ABCB9: variants seen among roughly 807,000 people sequenced by gnomAD.
ABCB9 encodes ABC-type oligopeptide transporter ABCB9.
In ABCB9, 36 loss-of-function variants were observed where a neutral mutation model predicts 62.0. That is an observed-to-expected ratio of 0.58 (90% CI 0.45 to 0.77). The LOEUF is 0.77. ABCB9 is among the 30% of genes least tolerant of loss of function. The pLI, the probability that ABCB9 is intolerant of heterozygous loss-of-function variation, is 0.00. For synonymous variants in ABCB9, 435 were observed against 461.4 expected, an observed-to-expected ratio of 0.94 and a Z score of 0.73; for missense variants, 943 against 1,054.7, an observed-to-expected ratio of 0.89 and a Z score of 1.47.
chr12:122,920,908 T>C, downstream of ABCB9: 1 of 1,032,362 alleles, frequency 9.7e-7, no homozygotes, highest in Non-Finnish European at 1.4e-6. Flanking sequence ...GTGAGACCCC[T>C]GTCTTAAAAA....
rs201970359 is a variant in ABCB9, at chr12:122,959,959, C to T, written c.277G>A (p.Val93Met). The T allele has an allele frequency of 2.0e-4, 315 of 1,613,136 alleles. 1 individual carries two copies. Among genetic ancestry groups the T allele is most frequent in the Non-Finnish European group, 2.6e-4 (310 of 1,179,988 alleles). The change falls in exon 2 of 12, where the codon GTG (valine) becomes ATG (methionine). Residue 93 changes from valine (V) to methionine (M), a missense_variant. Transcript: ENST00000280560. This position sits in a 1 kb window ranked among gnomAD's most constrained non-coding sequence, Gnocchi z 5.4. ...WLVITLVCLFVGIYAMVKLLL... is the reference protein window; with the variant it reads ...WLVITLVCLFMGIYAMVKLLL... The stretch of plus-strand genomic sequence containing the variant: ...AGCTTCACCATGGCATAGATGCCCA[C>T]GAAGAGGCACACGAGGGTGATGACC...
At chr12:122,948,128 G>A (rs2036144148) in intron 5 of ABCB9, 1 of 152,350 alleles carries the variant, frequency 6.6e-6, no homozygotes, top group African/African-American at 2.4e-5. Flanking sequence ...TGTAGAGATG[G>A]GGTCTTGCTA....
Position 122,949,557 on chromosome 12 carries a change from G to T in ABCB9, c.847+231C>A, listed in dbSNP as rs563306503. 2.0e-5 allele frequency among the ~76,000 whole-genome samples: 3 copies of T among 152,334 alleles called. No individual in the cohort carries two copies. In the South Asian group the frequency reaches 6.2e-4, roughly 32 times the overall value. On this transcript the variant is annotated intron_variant, in intron 4 of 11. Transcript: ENST00000280560. The stretch of plus-strand genomic sequence containing the variant: ...GGCCTTGGCTCCTGCAGGGACCTCG[G>T]GTGGCCTGGCCTGGGCCCCACAGAG...
chr12:122,937,338 G>A (rs1354456080), intron 9 of ABCB9, among the ~76,000 whole-genome samples: 21 of 150,198 alleles, frequency 1.4e-4, no homozygotes, highest in East Asian at 1.2e-3. Context: ...TAGCCTGTGC[G>A]ACAGAGCGAG....
Position 122,959,545 on chromosome 12 carries a change from C to T in ABCB9, c.601+90G>A, listed in dbSNP as rs2036779046. The T allele has an allele frequency of 6.7e-7, 1 of 1,501,234 alleles. No homozygotes were observed. Among genetic ancestry groups the T allele is most frequent in the Admixed American group, 2.3e-5 (1 of 43,506 alleles). The allele number at this position is 1,501,234 out of a possible 1,614,324, so 93.0% of individuals were successfully genotyped here. On this transcript the variant is annotated intron_variant, in intron 2 of 11. Coordinates refer to ENST00000280560, the MANE Select transcript of ABCB9 (RefSeq NM_019625.4). The surrounding 1 kb of genome is among the most constrained non-coding windows in gnomAD (Gnocchi z 5.4). ...TTTCATATCAATTTGATGTCTGAAC[C>T]ACGTAAGTAAAATCTTTTAAAATCT...
chr12:122,964,855 C>G lies in ABCB9; in HGVS notation c.-88+1432G>C, dbSNP rs2135930360. On this transcript the variant is annotated intron_variant, in intron 1 of 11. Coordinates refer to ENST00000280560, the MANE Select transcript of ABCB9 (RefSeq NM_019625.4). This position sits in a 1 kb window ranked among gnomAD's most constrained non-coding sequence, Gnocchi z 4.7. ...GAATGGCACAGGATAAGCAAGTGGCCTTGTCCCCACCAGGGGTCTTGTCAA... is the reference window on the plus strand; with the variant it reads ...GAATGGCACAGGATAAGCAAGTGGCGTTGTCCCCACCAGGGGTCTTGTCAA... Among the ~76,000 whole-genome samples the G allele has an allele frequency of 6.6e-6, 1 of 152,362 alleles. No individual in the cohort carries two copies. The highest frequency in any genetic ancestry group is 2.1e-4 in the South Asian group (1 of 4,832).
Position 122,932,236 on chromosome 12 carries a change from G to A in ABCB9, c.1996C>T (p.Leu666=), listed in dbSNP as rs1389409723. The A allele has an allele frequency of 3.2e-6, 5 of 1,552,450 alleles. No homozygotes were observed. In the South Asian group the frequency reaches 3.6e-5, roughly 11 times the overall value. The change falls in exon 11 of 12, where the codon CTG becomes TTG. Residue 666 remains leucine, a synonymous_variant. Coordinates refer to ENST00000280560, the MANE Select transcript of ABCB9 (RefSeq NM_019625.4). The surrounding 1 kb of genome is among the most constrained non-coding windows in gnomAD (Gnocchi z 4.7). ...TCCAAAGCGCTGGTGGCTTCATCCA[G>A]GATGAGGACTGGGGGGTTCCGCACC... ...ALVRNPPVLI[L]DEATSALDAE...
At chr12:122,924,546 G>T, downstream of ABCB9, 1 of 1,206,302 alleles carries the variant, frequency 8.3e-7, no homozygotes, top group Non-Finnish European at 1.1e-6. Flanking sequence ...TTTCTTTAAT[G>T]GCTGTTTACT....
At chr12:122,923,547 C>G (rs1340225818) in intron 11 of ABCB9, among the ~76,000 whole-genome samples, 1 of 152,138 alleles carries the variant, frequency 6.6e-6, no homozygotes, top group Non-Finnish European at 1.5e-5. Context: ...CCTTGGCCTC[C>G]CAAAGTGCTG....
intron 11 of ABCB9, among the ~76,000 whole-genome samples, chr12:122,923,278 ACTT>A (rs994041609): frequency 2.0e-5 from 3 of 151,130 alleles, no homozygotes; most frequent in Non-Finnish European, 4.4e-5. Flanking sequence ...TTACACCAGT[ACTT>A]CTTATTTATT....
rs2037072337 is a variant in ABCB9, at chr12:122,964,524, T to A, written c.-88+1763A>T. 6.6e-6 allele frequency among the ~76,000 whole-genome samples: 1 copy of A among 151,978 alleles called. No individual in the cohort carries two copies. Among genetic ancestry groups the A allele is most frequent in the Non-Finnish European group, 1.5e-5 (1 of 67,970 alleles). On this transcript the variant is annotated intron_variant, in intron 1 of 11. Transcript: ENST00000280560. The surrounding 1 kb of genome is among the most constrained non-coding windows in gnomAD (Gnocchi z 4.7). Reference sequence around the variant, plus strand: ...CTTCTACCACAGACTCCTAGCAGAGTGGACTCCAGCCCCGGGTCGGGTTAC... The same window carrying A: ...CTTCTACCACAGACTCCTAGCAGAGAGGACTCCAGCCCCGGGTCGGGTTAC...
chr12:122,957,165 T>C (rs1183876453), intron 2 of ABCB9, among the ~76,000 whole-genome samples: 1 of 151,948 alleles, frequency 6.6e-6, no homozygotes, highest in Non-Finnish European at 1.5e-5. Context: ...CTTAGCCTCC[T>C]GAGTAGCTGG....
rs563003158 is a variant in ABCB9, at chr12:122,930,226, G to A, written c.2041-55C>T. 2.4e-5 allele frequency: 35 copies of A among 1,477,464 alleles called. No individual in the cohort carries two copies. The highest frequency in any genetic ancestry group is 5.0e-5 in the East Asian group (2 of 40,124). The allele number at this position is 1,477,464 out of a possible 1,614,324, so 91.5% of individuals were successfully genotyped here. On this transcript the variant is annotated intron_variant, in intron 11 of 11. Coordinates refer to ENST00000280560, the MANE Select transcript of ABCB9 (RefSeq NM_019625.4). The surrounding 1 kb of genome is among the most constrained non-coding windows in gnomAD (Gnocchi z 4.9). ...TGGCACGGACGCCCCACCCGCAACCGTGCTTCATGCCACGGCCTATGGGCT... is the reference window on the plus strand; with the variant it reads ...TGGCACGGACGCCCCACCCGCAACCATGCTTCATGCCACGGCCTATGGGCT...
Position 122,940,014 on chromosome 12 carries a change from T to G in ABCB9, c.1743+97A>C. 1.4e-6 allele frequency: 2 copies of G among 1,436,296 alleles called. No homozygotes were observed. The highest frequency in any genetic ancestry group is 2.8e-5 in the African/African-American group (2 of 70,182). 89.0% of individuals were successfully genotyped at this position (1,436,296 alleles called of 1,614,324 possible). ...GTGATAATTCTTTGAACTGTCCATT[T>G]ATCTCTAGTGCCCTCTTCCGCACCT... On this transcript the variant is annotated intron_variant, in intron 9 of 11. Coordinates refer to ENST00000280560, the MANE Select transcript of ABCB9 (RefSeq NM_019625.4). This position sits in a 1 kb window ranked among gnomAD's most constrained non-coding sequence, Gnocchi z 4.8.
intron 9 of ABCB9, among the ~76,000 whole-genome samples, chr12:122,935,961 T>C (rs972861605): frequency 1.3e-5 from 2 of 152,056 alleles, no homozygotes; most frequent in Non-Finnish European, 2.9e-5. Context: ...ATCCCAGCAC[T>C]TAGGGAGGCA....
Position 122,929,839 on chromosome 12 carries a change from G to T in ABCB9, c.*72C>A. On this transcript the variant is annotated 3_prime_UTR_variant, in exon 12 of 12. Transcript: ENST00000280560. The surrounding 1 kb of genome is among the most constrained non-coding windows in gnomAD (Gnocchi z 6.0). ...AGGCCTGGGCTCGGAGGGCAGCTGGGGGCCTCCGTGGGCACATCTGCCAGG... is the reference window on the plus strand; with the variant it reads ...AGGCCTGGGCTCGGAGGGCAGCTGGTGGCCTCCGTGGGCACATCTGCCAGG... 6.9e-7 allele frequency: 1 copy of T among 1,456,028 alleles called. No homozygotes were observed. Among genetic ancestry groups the T allele is most frequent in the East Asian group, 2.4e-5 (1 of 42,260 alleles). 90.2% of individuals were successfully genotyped at this position (1,456,028 alleles called of 1,614,324 possible).
At chr12:122,943,962 G>A (rs750553049) in intron 7 of ABCB9, among the ~76,000 whole-genome samples, 3 of 151,678 alleles carry the variant, frequency 2.0e-5, no homozygotes, top group Admixed American at 6.6e-5. Context: ...TTATCAAGAC[G>A]GAGTCTCGCT....
chr12:122,960,272 G>A lies in ABCB9; in HGVS notation c.-37C>T. 1 of 1,592,314 alleles carries A rather than the reference G, an allele frequency of 6.3e-7. No individual in the cohort carries two copies. Among genetic ancestry groups the A allele is most frequent in the Non-Finnish European group, 8.6e-7 (1 of 1,167,730 alleles). On this transcript the variant is annotated 5_prime_UTR_variant, in exon 2 of 12. Coordinates refer to ENST00000280560, the MANE Select transcript of ABCB9 (RefSeq NM_019625.4). ...GAGGTGGGCGGGTGCTGAAGGCCAG[G>A]TTGTAGCTCACGGGGGCAAGGCCAT...
At position 122,932,245 on chromosome 12, in the gene ABCB9, C is replaced by T. The variant is rs541360519; in HGVS notation, c.1987G>A (p.Val663Ile). Reference sequence around the variant, plus strand: ...CTGGTGGCTTCATCCAGGATGAGGACTGGGGGGTTCCGCACCAGAGCCCGG... The same window carrying T: ...CTGGTGGCTTCATCCAGGATGAGGATTGGGGGGTTCCGCACCAGAGCCCGG... ...MARALVRNPPVLILDEATSAL... is the reference protein window; with the variant it reads ...MARALVRNPPILILDEATSAL... Residue 663 changes from valine (V) to isoleucine (I), a missense_variant, in exon 11 of 12, where the codon GTC becomes ATC. Coordinates refer to ENST00000280560, the MANE Select transcript of ABCB9 (RefSeq NM_019625.4). This position sits in a 1 kb window ranked among gnomAD's most constrained non-coding sequence, Gnocchi z 4.7. 3 of 1,552,146 alleles carry T rather than the reference C, an allele frequency of 1.9e-6. No homozygotes were observed. The highest frequency in any genetic ancestry group is 2.4e-5 in the South Asian group (2 of 84,080).
Sources: gnomAD v4.1 joint callset for allele counts (sites outside exome capture counted in the v4.1 genomes callset) on GRCh38, gnomAD v4.1.1 for gene constraint, Gnocchi (gnomAD v3.1) non-coding constraint, MANE v1.5 for transcripts, NCBI Gene and HGNC (gene_info 2026-07-23, HGNC 2026-07-21) for gene names.